CDH20: variants seen among roughly 807,000 people sequenced by gnomAD.
CDH20 encodes the protein cadherin-20.
CDH20 carries 29 observed loss-of-function variants against 74.2 expected under a neutral mutation model. That is an observed-to-expected ratio of 0.39 (90% CI 0.29 to 0.53). The LOEUF (loss-of-function observed/expected upper bound fraction) is 0.53. Among genes scored for constraint, CDH20 ranks in the 20% least tolerant of loss-of-function variants. The pLI, the probability that CDH20 is intolerant of heterozygous loss-of-function variation, is 0.69. For missense variants in CDH20, 988 were observed against 1,048.3 expected (o/e 0.94, Z 0.79); for synonymous variants, 469 against 405.4 (o/e 1.16, Z -1.88).
At chr18:61,349,674 C>A (rs1910242219) in intron 1 of CDH20, among the ~76,000 whole-genome samples, 1 of 151,874 alleles carries the variant, frequency 6.6e-6, no homozygotes, top group Non-Finnish European at 1.5e-5. Context: ...CCATATCTCT[C>A]CTAAGACTAA....
At chr18:61,428,212 G>A (rs1913136799) in intron 1 of CDH20, among the ~76,000 whole-genome samples, 2 of 152,124 alleles carry the variant, frequency 1.3e-5, no homozygotes, top group South Asian at 2.1e-4. Flanking sequence ...GTATAGGGTG[G>A]GGAGGTGTCA....
At chr18:61,359,388 AAAAAT>A (rs1258512752) in intron 1 of CDH20, among the ~76,000 whole-genome samples, 1 of 152,134 alleles carries the variant, frequency 6.6e-6, no homozygotes, top group East Asian at 1.9e-4. Flanking sequence ...AGCAGAAAAA[AAAAAT>A]AAAATAAAAA....
intron 1 of CDH20, among the ~76,000 whole-genome samples, chr18:61,423,634 A>G (rs1235808676): frequency 6.6e-6 from 1 of 152,082 alleles, no homozygotes; most frequent in Non-Finnish European, 1.5e-5. Context: ...CTAGCAGTAA[A>G]AGCCACTGTT....
chr18:61,477,161 G>T (rs550421457), intron 1 of CDH20, among the ~76,000 whole-genome samples: 1 of 152,178 alleles, frequency 6.6e-6, no homozygotes, highest in Non-Finnish European at 1.5e-5. Context: ...GGTTGCTGCT[G>T]CAGTCTCTAG....
At chr18:61,374,159 G>T (rs1817624238) in intron 1 of CDH20, among the ~76,000 whole-genome samples, 1 of 151,966 alleles carries the variant, frequency 6.6e-6, no homozygotes, top group Admixed American at 6.6e-5. Context: ...TTTCACCCTT[G>T]GTAGCCATAT....
intron 1 of CDH20, among the ~76,000 whole-genome samples, chr18:61,409,629 C>T (rs556183709): frequency 2.6e-5 from 4 of 152,286 alleles, no homozygotes; most frequent in African/African-American, 9.6e-5. Flanking sequence ...GAATATAAAG[C>T]TTTTAATACA....
At chr18:61,420,429 T>C (rs1912836001) in intron 1 of CDH20, among the ~76,000 whole-genome samples, 2 of 151,834 alleles carry the variant, frequency 1.3e-5, no homozygotes, top group South Asian at 4.2e-4. Flanking sequence ...AACTATACTG[T>C]GACCTAACAC....
chr18:61,418,736 A>G (rs1204515693), intron 1 of CDH20, among the ~76,000 whole-genome samples: 1 of 152,084 alleles, frequency 6.6e-6, no homozygotes, highest in Non-Finnish European at 1.5e-5. Flanking sequence ...ATTGGTTCTT[A>G]TAGAGACCTG....
intron 8 of CDH20, among the ~76,000 whole-genome samples, chr18:61,538,584 G>GTTTTTTTTTTTTTTT (rs1568182044): frequency 1.8e-5 from 1 of 55,846 alleles, no homozygotes; most frequent in Non-Finnish European, 3.5e-5. Flanking sequence ...ACTACTTTTT[G>GTTTTTTTTTTTTTTT]TTTGTTTGTT....
chr18:61,348,604 G>A (rs902336365), intron 1 of CDH20, among the ~76,000 whole-genome samples: 5 of 152,286 alleles, frequency 3.3e-5, no homozygotes, highest in African/African-American at 1.2e-4. Flanking sequence ...TCAGTGCTGG[G>A]AAGGTTCTAA....
At chr18:61,347,382 T>G (rs1910162778) in intron 1 of CDH20, among the ~76,000 whole-genome samples, 1 of 141,614 alleles carries the variant, frequency 7.1e-6, no homozygotes, top group African/African-American at 2.7e-5. Context: ...TAGCCGGGTG[T>G]GGTAGCACAC....
At chr18:61,489,782 G>A (rs3826647) in intron 1 of CDH20, among the ~76,000 whole-genome samples, 17 of 152,024 alleles carry the variant, frequency 1.1e-4, no homozygotes, top group South Asian at 4.2e-4. Context: ...TCAGTGCTTC[G>A]GAGCCAAAAC....
intron 1 of CDH20, among the ~76,000 whole-genome samples, chr18:61,369,636 T>C (rs1330012793): frequency 6.6e-6 from 1 of 152,124 alleles, no homozygotes; most frequent in Non-Finnish European, 1.5e-5. Context: ...GGAGCACTAT[T>C]CACAATAGGA....
At chr18:61,488,901 G>A (rs542108) in intron 1 of CDH20, among the ~76,000 whole-genome samples, 151,109 of 152,316 alleles carry the variant, frequency 0.99, 74,972 homozygotes, top group Middle Eastern at 1. Flanking sequence ...TGTTCCCTAA[G>A]GGAAGATGTC....
intron 1 of CDH20, among the ~76,000 whole-genome samples, chr18:61,476,447 T>C (rs1346616145): frequency 2.6e-5 from 4 of 152,138 alleles, no homozygotes; most frequent in East Asian, 1.9e-4. Flanking sequence ...TATATCCAAA[T>C]TCCTGATCCA....
At chr18:61,470,180 C>A (rs907834990) in intron 1 of CDH20, among the ~76,000 whole-genome samples, 1 of 152,176 alleles carries the variant, frequency 6.6e-6, no homozygotes, top group South Asian at 2.1e-4. Context: ...CACCAGAGCA[C>A]CCTGGGGGGT....
chr18:61,371,278 G>C (rs1202140911), intron 1 of CDH20, among the ~76,000 whole-genome samples: 1 of 152,012 alleles, frequency 6.6e-6, no homozygotes, highest in Non-Finnish European at 1.5e-5. Flanking sequence ...TTTTTCATTA[G>C]TGCTGGTTGA....
At chr18:61,354,552 T>G (rs984847369) in intron 1 of CDH20, among the ~76,000 whole-genome samples, 1 of 152,080 alleles carries the variant, frequency 6.6e-6, no homozygotes, top group African/African-American at 2.4e-5. Context: ...GAGGTTGTAG[T>G]GAGCCGAAAT....
At chr18:61,360,946 T>C (rs191536314) in intron 1 of CDH20, among the ~76,000 whole-genome samples, 23 of 152,354 alleles carry the variant, frequency 1.5e-4, no homozygotes, top group African/African-American at 5.0e-4. Flanking sequence ...ATGTTAGCAA[T>C]AAGCAAATGA....
Sources: allele counts gnomAD v4.1 joint callset (sites outside exome capture counted in the v4.1 genomes callset), GRCh38; gene constraint gnomAD v4.1.1; transcripts MANE v1.5; gene names NCBI Gene and HGNC (gene_info 2026-07-23, HGNC 2026-07-21).